The following EYS variants were observed in gnomAD, a reference collection of about 807,000 sequenced individuals.
EYS encodes EGF-like photoreceptor maintenance factor.
Under a neutral mutation model 282.1 loss-of-function variants are expected in EYS, and 250 were observed. The observed-to-expected ratio is 0.89, with a 90% CI of 0.80 to 0.98. The LOEUF is 0.98. Among genes scored for constraint, EYS ranks in the 50% least tolerant of loss-of-function variants. The pLI, the probability that EYS is intolerant of heterozygous loss-of-function variation, is 0.00. For synonymous variants in EYS, 1,355 were observed against 1,282.9 expected (o/e 1.06, Z -1.20); for missense variants, 4,016 against 3,709.0 (o/e 1.08, Z -2.15).
chr6:65,045,064 T>C (rs777816640), intron 13 of EYS, among the ~76,000 whole-genome samples: 1 of 151,890 alleles, frequency 6.6e-6, no homozygotes, highest in Non-Finnish European at 1.5e-5. Flanking sequence ...GGTAACTCTT[T>C]AGTGCCTTAA....
intron 30 of EYS, among the ~76,000 whole-genome samples, chr6:64,232,962 TACTC>T (rs1288641618): frequency 2.0e-5 from 3 of 152,222 alleles, no homozygotes; most frequent in Non-Finnish European, 4.4e-5. Context: ...TGGGATTTAT[TACTC>T]AGTATTCTGA....
intron 26 of EYS, among the ~76,000 whole-genome samples, chr6:64,515,687 C>A (rs915561664): frequency 5.3e-5 from 8 of 151,330 alleles, no homozygotes; most frequent in African/African-American, 9.7e-5. Flanking sequence ...GTGACAAAAT[C>A]TTTAGGCAAT....
chr6:64,354,157 G>T (rs1224911688), intron 29 of EYS, among the ~76,000 whole-genome samples: 1 of 151,572 alleles, frequency 6.6e-6, no homozygotes, highest in African/African-American at 2.4e-5. Flanking sequence ...TAGAGTATTA[G>T]ATATCACAAT....
intron 26 of EYS, among the ~76,000 whole-genome samples, chr6:64,446,536 A>T (rs553864607): frequency 1.3e-3 from 189 of 147,614 alleles, no homozygotes; most frequent in Admixed American, 4.5e-3. Context: ...GTGTAAAGGA[A>T]TCTTAGCTTG....
intron 1 of EYS, among the ~76,000 whole-genome samples, chr6:65,645,684 T>A (rs1055014295): frequency 1.3e-5 from 2 of 150,194 alleles, no homozygotes; most frequent in Non-Finnish European, 3.0e-5. Context: ...GAATATAAGA[T>A]CAGAACTAAA....
At chr6:64,108,777 TTGTC>T in intron 31 of EYS, among the ~76,000 whole-genome samples, 1 of 152,178 alleles carries the variant, frequency 6.6e-6, no homozygotes, top group East Asian at 1.9e-4. Context: ...CTTGAAGACT[TTGTC>T]TGTTATTGGA....
At chr6:64,236,120 C>T (rs1173611281) in intron 30 of EYS, among the ~76,000 whole-genome samples, 1 of 152,148 alleles carries the variant, frequency 6.6e-6, no homozygotes, top group Non-Finnish European at 1.5e-5. Flanking sequence ...AAAAGCTTAT[C>T]CACCATGATC....
chr6:65,078,168 G>T (rs974163499), intron 12 of EYS, among the ~76,000 whole-genome samples: 29 of 152,028 alleles, frequency 1.9e-4, no homozygotes, highest in African/African-American at 6.5e-4. Flanking sequence ...ACAGCCTATT[G>T]TATTCTAGTA....
intron 12 of EYS, among the ~76,000 whole-genome samples, chr6:65,147,899 G>A (rs1235614452): frequency 2.0e-5 from 3 of 152,016 alleles, no homozygotes; most frequent in African/African-American, 4.8e-5. Context: ...GTGTTAGAAG[G>A]GGAAATGGTA....
At chr6:64,921,781 A>C (rs977089117) in intron 15 of EYS, among the ~76,000 whole-genome samples, 7 of 152,214 alleles carry the variant, frequency 4.6e-5, no homozygotes, top group African/African-American at 1.7e-4. Context: ...CATCCTCAAT[A>C]AAACAGTTAT....
intron 14 of EYS, among the ~76,000 whole-genome samples, chr6:64,950,217 C>A (rs28484766): frequency 6.6e-6 from 1 of 151,908 alleles, no homozygotes; most frequent in Non-Finnish European, 1.5e-5. Flanking sequence ...TAGAAAATCA[C>A]ACTAAACCAG....
chr6:63,810,125 G>A (rs1463089252), intron 36 of EYS, among the ~76,000 whole-genome samples: 1 of 151,118 alleles, frequency 6.6e-6, no homozygotes, highest in Non-Finnish European at 1.5e-5. Flanking sequence ...GCCGAGTGTG[G>A]TGGCACGCGC....
intron 15 of EYS, 118 bp from the exon 16 acceptor site, chr6:64,912,861 T>C (rs1583287863): frequency 2.0e-6 from 1 of 506,018 alleles, no homozygotes; most frequent in Non-Finnish European, 3.2e-6. Flanking sequence ...ATAACAGGAC[T>C]AATAAATAAT....
chr6:65,707,206 GC>G lies in EYS; in HGVS notation c.-520del, dbSNP rs1769912263. Reference sequence around the variant, plus strand: ...TACGGTTAATGTCTGGACATGCCTAGCGTGTATCACTTTGTTTCTCAGAAGC... The same window carrying G: ...TACGGTTAATGTCTGGACATGCCTAGGTGTATCACTTTGTTTCTCAGAAGC... On this transcript the variant is annotated 5_prime_UTR_variant, in exon 1 of 43. Transcript: ENST00000503581. 2 of 152,134 alleles carry G rather than the reference GC, an allele frequency of 1.3e-5. No individual in the cohort carries two copies. The highest frequency in any genetic ancestry group is 2.9e-5 in the Non-Finnish European group (2 of 68,026). The allele number at this position is 152,134 out of a possible 1,614,324, so 9.4% of individuals were successfully genotyped here. A position where few individuals can be genotyped will look rare whatever the true frequency, so the allele number is the denominator to read the frequency against.
At position 64,178,753 on chromosome 6, in the gene EYS, TA is replaced by T. The variant is rs200532484; in HGVS notation, c.6424+51838del. ...CGCAGTGAAATAAAAGCACCAATAA[TA>T]AAAAAGTCATATAAATAATATATAA... On this transcript the variant is annotated intron_variant, in intron 31 of 42. Coordinates refer to ENST00000503581, the MANE Select transcript of EYS (RefSeq NM_001142800.2). 8.6e-3 allele frequency among the ~76,000 whole-genome samples: 1,313 copies of T among 152,066 alleles called. 26 individuals carry two copies. The highest frequency in any genetic ancestry group is 0.029 in the African/African-American group (1,203 of 41,538).
intron 41 of EYS, among the ~76,000 whole-genome samples, chr6:63,761,328 T>C (rs1562013738): frequency 6.6e-6 from 1 of 152,098 alleles, no homozygotes; most frequent in East Asian, 1.9e-4. Context: ...GAGAGACTGA[T>C]TTATGTAAGC....
intron 30 of EYS, among the ~76,000 whole-genome samples, chr6:64,293,450 T>C (rs1310782305): frequency 4.6e-5 from 7 of 152,108 alleles, no homozygotes; most frequent in African/African-American, 1.7e-4. Flanking sequence ...TCTGTATCAT[T>C]TCCTTCTATT....
intron 26 of EYS, among the ~76,000 whole-genome samples, chr6:64,583,922 G>C (rs1362075755): frequency 6.6e-6 from 1 of 151,876 alleles, no homozygotes; most frequent in African/African-American, 2.4e-5. Flanking sequence ...ATATGTAGAT[G>C]GCATGTTTGG....
Position 64,088,940 on chromosome 6 carries a change from T to G in EYS, c.6425-6938A>C, listed in dbSNP as rs182451602. ...AGCTACAAATACAATGGGTCACAAATTATTCATATACAAGTTGATTGTATT... is the reference window on the plus strand; with the variant it reads ...AGCTACAAATACAATGGGTCACAAAGTATTCATATACAAGTTGATTGTATT... On this transcript the variant is annotated intron_variant, in intron 31 of 42. Transcript: ENST00000503581. 3.9e-5 allele frequency among the ~76,000 whole-genome samples: 6 copies of G among 152,096 alleles called. No individual in the cohort carries two copies. In the East Asian group the frequency reaches 1.2e-3, roughly 29 times the overall value.
Sources: gnomAD v4.1 joint callset for allele counts (sites outside exome capture counted in the v4.1 genomes callset) on GRCh38, gnomAD v4.1.1 for gene constraint, MANE v1.5 for transcripts, NCBI Gene and HGNC (gene_info 2026-07-23, HGNC 2026-07-21) for gene names.